The following ACOT6 variants were observed in gnomAD, a reference collection of about 807,000 sequenced individuals.
ACOT6 encodes acyl-CoA thioesterase 6.
Under a neutral mutation model 12.3 loss-of-function variants are expected in ACOT6, and 14 were observed. The observed-to-expected ratio is 1.14, with a 90% confidence interval of 0.75 to 1.78. ACOT6 has a LOEUF of 1.78. Among genes scored for constraint, ACOT6 ranks in the 40% most tolerant of loss-of-function variants. The probability of loss-of-function intolerance (pLI) is 0.00; values close to 1 mark genes in which losing one functional copy is unlikely to be tolerated. For missense variants in ACOT6, 523 were observed against 551.8 expected (o/e 0.95, Z 0.52); for synonymous variants, 218 against 231.3 (o/e 0.94, Z 0.52).
At position 73,612,695 on chromosome 14, in the gene ACOT6, G is replaced by C; in HGVS notation, c.124G>C (p.Glu42Gln). The change falls in exon 1 of 3, where the codon GAG becomes CAG. Residue 42 changes from glutamate to glutamine, a missense_variant. Physicochemically the swap from Glu to Gln is conservative, Grantham distance 29. This residue lies in a region of ACOT6 where 304 missense variants were observed against 274.8 expected (regional missense o/e 1.11). Transcript: ENST00000645972. ...VTLRTSLRDE[E>Q]GALFRAHARY... ...GCTGCGCACGTCCCTGCGCGACGAA[G>C]AGGGCGCGCTCTTCCGGGCCCACGC... 1 of 1,405,090 alleles carries C rather than the reference G, an allele frequency of 7.1e-7. No individual in the cohort carries two copies. Among genetic ancestry groups the C allele is most frequent in the South Asian group, 1.5e-5 (1 of 64,948 alleles). 87.0% of individuals were successfully genotyped at this position (1,405,090 alleles called of 1,614,324 possible).
chr14:73,612,604 C>A lies in ACOT6; in HGVS notation c.33C>A (p.Gly11=), dbSNP rs112733007. 471 of 1,416,304 alleles carry A rather than the reference C, an allele frequency of 3.3e-4. 6 individuals are homozygous for A. In the South Asian group the frequency reaches 6.2e-3, roughly 19 times the overall value. The allele number at this position is 1,416,304 out of a possible 1,614,324, so 87.7% of individuals were successfully genotyped here. A position where few individuals can be genotyped will look rare whatever the true frequency, so the allele number is the denominator to read the frequency against. The change falls in exon 1 of 3, where the codon GGC becomes GGA. Residue 11 remains glycine, a synonymous_variant. Transcript: ENST00000645972. MAATLILEPA[G]RCCWDEPLRI... is the part of the protein sequence containing the mutation. ...CGACGCTGATCCTGGAGCCCGCGGG[C>A]CGCTGCTGCTGGGACGAGCCGCTGC...
intron 1 of ACOT6, chr14:73,616,774 C>G (rs922754175): frequency 2.3e-6 from 1 of 438,080 alleles, no homozygotes; most frequent in African/African-American, 2.0e-5. Context: ...CAGTGATGAA[C>G]GCTGAGATTT....
upstream of ACOT6, among the ~76,000 whole-genome samples, chr14:73,611,783 C>G (rs1183234978): frequency 2.0e-5 from 3 of 152,154 alleles, no homozygotes; most frequent in Non-Finnish European, 4.4e-5. Context: ...CAGACCAGAA[C>G]TCGGCTAGGT....
At chr14:73,611,750 GTATTAA>G (rs939131463), upstream of ACOT6, among the ~76,000 whole-genome samples, 44 of 152,270 alleles carry the variant, frequency 2.9e-4, no homozygotes, top group African/African-American at 1.0e-3. Context: ...AGATCACCAG[GTATTAA>G]TATTAAGGAT....
chr14:73,619,131 A>G, intron 2 of ACOT6, 103 bp from the exon 3 acceptor site: 1 of 1,437,386 alleles, frequency 7.0e-7, no homozygotes, highest in Non-Finnish European at 9.2e-7. Context: ...CTCCATCTCA[A>G]AAAAGAAAAA....
intron 1 of ACOT6, among the ~76,000 whole-genome samples, chr14:73,614,258 C>T (rs1401755079): frequency 1.3e-5 from 2 of 152,026 alleles, no homozygotes; most frequent in Non-Finnish European, 2.9e-5. Flanking sequence ...ATCCTTAAAC[C>T]GAATTCTGTG....
rs1176944933 is a variant in ACOT6, at chr14:73,619,685, G to T, written c.1112G>T (p.Arg371Ile). 3.1e-6 allele frequency: 5 copies of T among 1,614,172 alleles called. No individual in the cohort carries two copies. The highest frequency in any genetic ancestry group is 4.2e-6 in the Non-Finnish European group (5 of 1,180,038). ...CIDPPYFPPSRASVHAVLGEA... is the reference protein window; with the variant it reads ...CIDPPYFPPSIASVHAVLGEA... ...GACCCACCTTATTTTCCTCCTTCTA[G>T]AGCTTCTGTGCACGCTGTTTTGGGT... The change falls in exon 3 of 3, where the codon AGA (arginine) becomes ATA (isoleucine). Residue 371 changes from arginine to isoleucine, a missense_variant. By Grantham distance (97) the Arg-to-Ile change is moderately conservative. Coordinates refer to ENST00000645972, the MANE Select transcript of ACOT6 (RefSeq NM_001365788.1).
chr14:73,613,211 C>T (rs576641430), intron 1 of ACOT6, among the ~76,000 whole-genome samples, 179 bp downstream of exon 1: 1 of 152,178 alleles, frequency 6.6e-6, no homozygotes, highest in Admixed American at 6.5e-5. Context: ...GATCGTAGCT[C>T]ACACTGCAGC....
At chr14:73,618,384 G>A (rs941982307) in intron 2 of ACOT6, among the ~76,000 whole-genome samples, 2 of 146,238 alleles carry the variant, frequency 1.4e-5, no homozygotes, top group Non-Finnish European at 1.5e-5. Flanking sequence ...TTCTGGGTTC[G>A]TCGGTGTATA....
chr14:73,619,810 A>T lies in ACOT6; in HGVS notation c.1237A>T (p.Lys413Ter). 6.2e-7 allele frequency: 1 copy of T among 1,607,754 alleles called. No individual in the cohort carries two copies. The highest frequency in any genetic ancestry group is 8.5e-7 in the Non-Finnish European group (1 of 1,178,152). Residue 413 changes from lysine to a stop codon, truncating the protein, a stop_gained, in exon 3 of 3, where the codon AAA (lysine) becomes TAA (stop). Transcript: ENST00000645972. LOFTEE classifies it high-confidence loss of function. ...TTTCTTCCATAAACATCTCAATGGT[A>T]AAAAATCTGTCAAGCACAGCAAAAT... ...QTFFHKHLNG[K>*]KSVKHSKI
At chr14:73,615,408 C>CA (rs1555399076) in intron 1 of ACOT6, among the ~76,000 whole-genome samples, 1 of 51,162 alleles carries the variant, frequency 2.0e-5, no homozygotes, top group Non-Finnish European at 3.9e-5. Flanking sequence ...AAAAAAAAAA[C>CA]AAAAAACAAA....
chr14:73,614,272 A>G (rs910244486), intron 1 of ACOT6, among the ~76,000 whole-genome samples: 1 of 152,166 alleles, frequency 6.6e-6, no homozygotes. Context: ...TTCTGTGATT[A>G]TTCTCCAAAA....
Position 73,612,949 on chromosome 14 carries a change from G to T in ACOT6, c.378G>T (p.Lys126Asn). The change falls in exon 1 of 3, where the codon AAG (lysine) becomes AAT (asparagine). Residue 126 changes from lysine to asparagine, a missense_variant. Physicochemically the swap from Lys to Asn is moderately conservative, Grantham distance 94 (BLOSUM62 0). This residue lies in a region of ACOT6 where 304 missense variants were observed against 274.8 expected (regional missense o/e 1.11). Coordinates refer to ENST00000645972, the MANE Select transcript of ACOT6 (RefSeq NM_001365788.1). ...PGRLLCLAQNKRDFLRPGVRR... is the reference protein window; with the variant it reads ...PGRLLCLAQNNRDFLRPGVRR... ...GGCTGCTGTGCCTGGCGCAGAACAAGCGCGACTTTCTCCGGCCGGGGGTGC... is the reference window on the plus strand; with the variant it reads ...GGCTGCTGTGCCTGGCGCAGAACAATCGCGACTTTCTCCGGCCGGGGGTGC... 7.8e-7 allele frequency: 1 copy of T among 1,275,068 alleles called. No individual in the cohort carries two copies. Among genetic ancestry groups the T allele is most frequent in the Non-Finnish European group, 1.0e-6 (1 of 961,030 alleles). 79.0% of individuals were successfully genotyped at this position (1,275,068 alleles called of 1,614,324 possible).
rs763913419 is a variant in ACOT6 at position 73,619,502 on chromosome 14, C to T, written c.929C>T (p.Pro310Leu). The T allele has an allele frequency of 1.2e-6, 2 of 1,614,090 alleles. No individual in the cohort carries two copies. Among genetic ancestry groups the T allele is most frequent in the African/African-American group, 2.7e-5 (2 of 74,924 alleles). The change falls in exon 3 of 3, where the codon CCA (proline) becomes CTA (leucine). Residue 310 changes from proline (P) to leucine (L), a missense_variant. By Grantham distance (98) the Pro-to-Leu change is moderately conservative. This residue lies in a region of ACOT6 where 219 missense variants were observed against 277.0 expected (regional missense o/e 0.79). Transcript: ENST00000645972. ...GAACACAATCACCAAAGTCTTGTTC[C>T]ATTGGAAAAGGCGCAGGTGCCCTTC... ...LEEHNHQSLV[P>L]LEKAQVPFLF...
At position 73,617,338 on chromosome 14, in the gene ACOT6, G is replaced by A. The variant is rs1890557339; in HGVS notation, c.660+146G>A. 2.6e-6 allele frequency: 3 copies of A among 1,152,530 alleles called. No individual in the cohort carries two copies. In the South Asian group the frequency reaches 4.0e-5, roughly 15 times the overall value. 71.4% of individuals were successfully genotyped at this position (1,152,530 alleles called of 1,614,324 possible). Reference sequence around the variant, plus strand: ...TCAAAGGTTACTAGGGTGGAAGCTGGGCATGGTGATGTGCACCTGTAGTCC... The same window carrying A: ...TCAAAGGTTACTAGGGTGGAAGCTGAGCATGGTGATGTGCACCTGTAGTCC... On this transcript the variant is annotated intron_variant, in intron 2 of 2. Coordinates refer to ENST00000645972, the MANE Select transcript of ACOT6 (RefSeq NM_001365788.1).
intron 2 of ACOT6, 143 bp downstream of exon 2, chr14:73,617,335 C>G: frequency 1.7e-6 from 2 of 1,179,950 alleles, no homozygotes; most frequent in South Asian, 2.6e-5. Context: ...AGGGTGGAAG[C>G]TGGGCATGGT....
At chr14:73,616,508 C>T (rs922797439) in intron 1 of ACOT6, among the ~76,000 whole-genome samples, 5 of 151,908 alleles carry the variant, frequency 3.3e-5, no homozygotes, top group Non-Finnish European at 5.9e-5. Context: ...GCCTGGCCAA[C>T]ATGGCAAAAC....
At position 73,619,420 on chromosome 14, in the gene ACOT6, A is replaced by G. The variant is rs1481444913; in HGVS notation, c.847A>G (p.Lys283Glu). The change falls in exon 3 of 3, where the codon AAA (lysine) becomes GAA (glutamate). Residue 283 changes from lysine (K) to glutamate (E), a missense_variant. Coordinates refer to ENST00000645972, the MANE Select transcript of ACOT6 (RefSeq NM_001365788.1). ...PKLVDDLGKV[K>E]ITKSGFLTFM... ...ACTTGTCGATGATCTAGGAAAAGTA[A>G]AAATCACTAAGTCAGGATTTCTCAC... The G allele has an allele frequency of 3.1e-6, 5 of 1,614,210 alleles. No homozygotes were observed. The South Asian group carries it at 5.5e-5, about 18-fold the overall frequency.
At chr14:73,617,904 G>A (rs1186238363) in intron 2 of ACOT6, among the ~76,000 whole-genome samples, 1 of 108,636 alleles carries the variant, frequency 9.2e-6, no homozygotes, top group Non-Finnish European at 1.8e-5. Flanking sequence ...CAGTACTTTG[G>A]GAGGCCAAGG....
Sources: allele counts gnomAD v4.1 joint callset (sites outside exome capture counted in the v4.1 genomes callset), GRCh38; gene constraint gnomAD v4.1.1; regional missense constraint gnomAD v4.1.1; transcripts MANE v1.5; gene names NCBI Gene and HGNC (gene_info 2026-07-23, HGNC 2026-07-21).